LRRC37A2: variants seen among roughly 807,000 people sequenced by gnomAD.
LRRC37A2 encodes the protein leucine rich repeat containing 37 member A2.
Under a neutral mutation model 68.8 loss-of-function variants are expected in LRRC37A2, and 9 were observed. The observed-to-expected ratio is 0.13, with a 90% CI of 0.08 to 0.23. LRRC37A2 has a LOEUF of 0.23. Among genes scored for constraint, LRRC37A2 ranks in the 10% least tolerant of loss-of-function variants. The pLI is 1.00. For missense variants in LRRC37A2, 168 were observed against 950.4 expected (o/e 0.18, Z 10.82); for synonymous variants, 63 against 367.6 (o/e 0.17, Z 9.48).
At chr17:47,003,519 C>T in the LRRC37A2 span, among the ~76,000 whole-genome samples, 15 of 152,286 alleles carry the variant, frequency 9.8e-5, no homozygotes, top group Middle Eastern at 3.4e-3. Flanking sequence ...GCTCTGTCGC[C>T]CAATGCATGG....
chr17:46,792,794 A>T, the LRRC37A2 span, among the ~76,000 whole-genome samples: 1 of 152,238 alleles, frequency 6.6e-6, no homozygotes, highest in East Asian at 1.9e-4. Flanking sequence ...TAATAATAAT[A>T]GTTAACATTT....
the LRRC37A2 span, among the ~76,000 whole-genome samples, chr17:46,655,673 AG>A: frequency 1.7e-5 from 1 of 59,960 alleles, no homozygotes; most frequent in Non-Finnish European, 3.0e-5. Flanking sequence ...GAGATGGGGA[AG>A]ACTCGCTTAA....
chr17:46,866,525 G>C, the LRRC37A2 span, among the ~76,000 whole-genome samples: 5 of 152,010 alleles, frequency 3.3e-5, no homozygotes, highest in Non-Finnish European at 5.9e-5. Context: ...GAGGTAGACT[G>C]AGACGTTTGA....
At chr17:47,028,901 C>G in the LRRC37A2 span, among the ~76,000 whole-genome samples, 1 of 150,576 alleles carries the variant, frequency 6.6e-6, no homozygotes, top group Admixed American at 6.6e-5. Flanking sequence ...GTTGTAGGGC[C>G]AGAATGGTGG....
the LRRC37A2 span, among the ~76,000 whole-genome samples, chr17:47,042,780 T>A: frequency 7.1e-4 from 19 of 26,678 alleles, no homozygotes; most frequent in Non-Finnish European, 8.6e-4. Context: ...GGAAAGAAAA[T>A]AGAAAGAAGG....
chr17:47,048,183 T>C, the LRRC37A2 span, among the ~76,000 whole-genome samples: 1 of 150,232 alleles, frequency 6.7e-6, no homozygotes. Flanking sequence ...GTGCCAGGTC[T>C]TCTGGCCCCA....
the LRRC37A2 span, chr17:46,486,979 T>G: frequency 7.9e-6 from 5 of 629,410 alleles, 1 homozygote; most frequent in Admixed American, 4.1e-5. Context: ...CGTTCTTAAA[T>G]TGAATATATT....
chr17:46,988,935 G>A, the LRRC37A2 span, among the ~76,000 whole-genome samples: 1 of 152,158 alleles, frequency 6.6e-6, no homozygotes, highest in Non-Finnish European at 1.5e-5. Context: ...AATGATAAAC[G>A]GTGAGAAGGT....
chr17:46,852,310 C>A, the LRRC37A2 span, among the ~76,000 whole-genome samples: 261 of 152,122 alleles, frequency 1.7e-3, no homozygotes, highest in African/African-American at 5.8e-3. Flanking sequence ...AGGAACCGTG[C>A]GCTGGGGAAA....
At chr17:47,022,335 T>G in the LRRC37A2 span, among the ~76,000 whole-genome samples, 1 of 148,348 alleles carries the variant, frequency 6.7e-6, no homozygotes, top group Non-Finnish European at 1.5e-5. Flanking sequence ...CACACCCACC[T>G]AATTTTGTAT....
At chr17:46,461,642 TAA>T in the LRRC37A2 span, among the ~76,000 whole-genome samples, 12 of 72,630 alleles carry the variant, frequency 1.7e-4, no homozygotes, top group East Asian at 3.3e-3. Context: ...TTAAAAGTTT[TAA>T]AAATAAATTT....
At chr17:46,518,267 C>T (rs1238904144) in intron 3 of LRRC37A2, among the ~76,000 whole-genome samples, 1 of 151,256 alleles carries the variant, frequency 6.6e-6, no homozygotes, top group Admixed American at 6.6e-5. Context: ...CTGAGAGGGT[C>T]ACCCCATTCA....
At chr17:46,854,729 C>T in the LRRC37A2 span, among the ~76,000 whole-genome samples, 1 of 152,072 alleles carries the variant, frequency 6.6e-6, no homozygotes, top group African/African-American at 2.4e-5. Context: ...GTCATGATCT[C>T]GGCTCACTGC....
the LRRC37A2 span, among the ~76,000 whole-genome samples, chr17:46,696,082 G>GT: frequency 1.1e-4 from 12 of 107,248 alleles, no homozygotes; most frequent in South Asian, 3.5e-4. Context: ...CTTTGGTTTT[G>GT]TTTTTTTTGC....
chr17:46,982,126 C>T, the LRRC37A2 span, among the ~76,000 whole-genome samples: 1 of 152,206 alleles, frequency 6.6e-6, no homozygotes, highest in Non-Finnish European at 1.5e-5. Flanking sequence ...GTTTTCAGGG[C>T]AAGAGTCTCC....
the LRRC37A2 span, among the ~76,000 whole-genome samples, chr17:46,843,473 T>C: frequency 6.6e-6 from 1 of 152,220 alleles, no homozygotes; most frequent in Non-Finnish European, 1.5e-5. Flanking sequence ...AGCTCAAACA[T>C]TGCTGCATCT....
the LRRC37A2 span, chr17:46,773,649 CT>C: frequency 3.4e-4 from 520 of 1,542,322 alleles, 4 homozygotes; most frequent in African/African-American, 6.2e-3. Flanking sequence ...CTCCCCCCCC[CT>C]CAGCCCCAAG....
At chr17:46,867,903 G>A in the LRRC37A2 span, among the ~76,000 whole-genome samples, 13 of 152,262 alleles carry the variant, frequency 8.5e-5, no homozygotes, top group East Asian at 2.1e-3. Context: ...GGAGGTGGGG[G>A]CTCTGGTTTT....
At chr17:46,957,526 T>C in the LRRC37A2 span, among the ~76,000 whole-genome samples, 1 of 151,216 alleles carries the variant, frequency 6.6e-6, no homozygotes, top group African/African-American at 2.4e-5. Flanking sequence ...GGCAGGAGAA[T>C]TGCTTGAACC....
Sources: gnomAD v4.1 joint callset for allele counts (sites outside exome capture counted in the v4.1 genomes callset) on GRCh38, gnomAD v4.1.1 for gene constraint, MANE v1.5 for transcripts, NCBI Gene and HGNC (gene_info 2026-07-23, HGNC 2026-07-21) for gene names.